ORC2: variants seen among roughly 807,000 people sequenced by gnomAD.
ORC2 encodes origin recognition complex protein 2 homolog.
In ORC2, 37 loss-of-function variants were observed where a neutral mutation model predicts 77.7. The ratio of observed to expected loss-of-function variants is 0.48; its 90% CI spans 0.37 to 0.63. The LOEUF (loss-of-function observed/expected upper bound fraction) is 0.63, where lower values mean the gene tolerates loss of function less well. ORC2 is among the 20% of genes least tolerant of loss of function. ORC2 has a pLI of 0.00. For missense variants in ORC2, 557 were observed against 661.9 expected (o/e 0.84, Z 1.74); for synonymous variants, 201 against 229.5 (o/e 0.88, Z 1.12).
At chr2:200,958,525 GAAT>G in intron 2 of ORC2, among the ~76,000 whole-genome samples, 1 of 152,112 alleles carries the variant, frequency 6.6e-6, no homozygotes, top group Non-Finnish European at 1.5e-5. Flanking sequence ...GCCAAACAAA[GAAT>G]AATGCTTTAA....
Position 200,935,864 on chromosome 2 carries a change from G to A in ORC2, c.543C>T (p.Ser181=), listed in dbSNP as rs139973823. 2.5e-5 allele frequency: 40 copies of A among 1,613,520 alleles called. No individual in the cohort carries two copies. The African/African-American group carries it at 3.7e-4, about 15-fold the overall frequency. The change falls in exon 9 of 18, where the codon AGC becomes AGT. Residue 181 remains serine (S), a synonymous_variant. Transcript: ENST00000234296. ...CCTCTGAGTTGGAAGCAGAATATTCGCTTTCACTGTCAGAATGAGACCTTG... is the reference window on the plus strand; with the variant it reads ...CCTCTGAGTTGGAAGCAGAATATTCACTTTCACTGTCAGAATGAGACCTTG... ...IVPRSHSDSE[S]EYSASNSEDD...
chr2:200,941,814 C>T (rs756748069), intron 6 of ORC2, among the ~76,000 whole-genome samples: 22 of 152,160 alleles, frequency 1.4e-4, no homozygotes, highest in Non-Finnish European at 2.9e-4. Flanking sequence ...GGGTGAAACC[C>T]CATTTCTACT....
chr2:200,925,798 C>T (rs747568774), intron 13 of ORC2, 38 bp downstream of exon 13: 5 of 915,014 alleles, frequency 5.5e-6, no homozygotes, highest in Non-Finnish European at 8.9e-6. Flanking sequence ...ATATGCTTAA[C>T]TTTACTCTAA....
At chr2:200,952,648 G>C (rs543318557) in intron 4 of ORC2, among the ~76,000 whole-genome samples, 3 of 152,098 alleles carry the variant, frequency 2.0e-5, no homozygotes, top group African/African-American at 7.2e-5. Context: ...TTTTAAATAA[G>C]GTGAGAATGA....
chr2:200,961,229 G>C (rs2041565084), intron 1 of ORC2, among the ~76,000 whole-genome samples: 1 of 152,134 alleles, frequency 6.6e-6, no homozygotes, highest in Admixed American at 6.5e-5. Flanking sequence ...CTGTCACCCA[G>C]GCTGGAGTGC....
intron 15 of ORC2, among the ~76,000 whole-genome samples, chr2:200,918,699 G>A (rs1439321823): frequency 6.6e-6 from 1 of 152,016 alleles, no homozygotes; most frequent in Non-Finnish European, 1.5e-5. Context: ...ATGTTGACCA[G>A]GATAGTCTCG....
rs1160690353 is a variant in ORC2, at chr2:200,910,522, C to G, written c.*779G>C. 1 of 152,146 alleles carries G rather than the reference C, an allele frequency of 6.6e-6. No homozygotes were observed. The highest frequency in any genetic ancestry group is 1.9e-4 in the East Asian group (1 of 5,200). 9.4% of individuals were successfully genotyped at this position (152,146 alleles called of 1,614,324 possible). ...GTTTTATTTTTTGTTGTCTTGAAAA[C>G]AATTACTAAAATGTAATTCAGGATT... On this transcript the variant is annotated 3_prime_UTR_variant, in exon 18 of 18. Transcript: ENST00000234296.
chr2:200,946,331 CA>C lies in ORC2; in HGVS notation c.328+3222del, dbSNP rs1258743703. ...CTCAGAATAACATATGATTTTCTGG[CA>C]GATCATGTTATTTATTAAATATTAA... is the stretch of plus-strand genomic sequence containing the variant. On this transcript the variant is annotated intron_variant, in intron 5 of 17. Transcript: ENST00000234296. 2.6e-5 allele frequency among the ~76,000 whole-genome samples: 4 copies of C among 151,902 alleles called. No homozygotes were observed. The East Asian group carries it at 7.7e-4, about 29-fold the overall frequency.
intron 15 of ORC2, among the ~76,000 whole-genome samples, chr2:200,916,849 C>T (rs935484118): frequency 2.0e-5 from 3 of 151,552 alleles, no homozygotes; most frequent in Admixed American, 2.0e-4. Context: ...ACCTCAGGTG[C>T]CCGCCACCAC....
intron 10 of ORC2, among the ~76,000 whole-genome samples, chr2:200,932,268 C>T (rs1455121929): frequency 6.6e-6 from 1 of 151,354 alleles, no homozygotes; most frequent in Non-Finnish European, 1.5e-5. Flanking sequence ...ACTAGATTAT[C>T]TGAGCATATT....
chr2:200,935,100 T>C (rs1041023017), intron 9 of ORC2, among the ~76,000 whole-genome samples: 7 of 152,250 alleles, frequency 4.6e-5, no homozygotes, highest in African/African-American at 1.7e-4. Flanking sequence ...TATTTTTTAT[T>C]CTAATCCCAT....
chr2:200,947,336 A>AT (rs1368517488), intron 5 of ORC2, among the ~76,000 whole-genome samples: 1 of 152,242 alleles, frequency 6.6e-6, no homozygotes, highest in African/African-American at 2.4e-5. Flanking sequence ...AACTAAACTG[A>AT]TTTTGGCAAC....
chr2:200,916,645 C>G (rs916645559), intron 15 of ORC2, among the ~76,000 whole-genome samples: 2 of 152,166 alleles, frequency 1.3e-5, no homozygotes, highest in African/African-American at 4.8e-5. Context: ...GACTTTGTCC[C>G]CAATTCCATC....
Position 200,921,053 on chromosome 2 carries a change from A to G in ORC2, c.1234T>C (p.Leu412=), listed in dbSNP as rs1157839327. The part of the protein sequence containing the change: ...GEKSQQIIGQ[L]SSLHNIYLIA... ...AGGTAAATGTTATGCAAAGATGACA[A>G]CTGACCAATGATTTGCTGGCTCTTC... Residue 412 remains leucine, a synonymous_variant, in exon 14 of 18, where the codon TTG becomes CTG. Transcript: ENST00000234296. 1.2e-6 allele frequency: 2 copies of G among 1,610,014 alleles called. No homozygotes were observed. Among genetic ancestry groups the G allele is most frequent in the African/African-American group, 1.3e-5 (1 of 74,964 alleles).
chr2:200,923,553 G>A (rs1252231877), intron 13 of ORC2, among the ~76,000 whole-genome samples: 2 of 151,998 alleles, frequency 1.3e-5, no homozygotes, highest in Non-Finnish European at 2.9e-5. Context: ...TCCGGCTTAA[G>A]GGCAACTTTA....
At chr2:200,935,133 T>C (rs1404502307) in intron 9 of ORC2, among the ~76,000 whole-genome samples, 3 of 152,240 alleles carry the variant, frequency 2.0e-5, no homozygotes, top group African/African-American at 4.8e-5. Flanking sequence ...AATTTATTTA[T>C]TTATTTTTGA....
At chr2:200,911,613 GTATT>G (rs201218450) in intron 17 of ORC2, among the ~76,000 whole-genome samples, 4,527 of 152,212 alleles carry the variant, frequency 0.03, 106 homozygotes, top group Middle Eastern at 0.088. Flanking sequence ...GGGTAGGTGG[GTATT>G]TATTTTTTTC....
At chr2:200,923,805 G>A (rs1368704458) in intron 13 of ORC2, among the ~76,000 whole-genome samples, 1 of 152,084 alleles carries the variant, frequency 6.6e-6, no homozygotes, top group African/African-American at 2.4e-5. Flanking sequence ...CTGTGAAAAC[G>A]ATGCTTGTTT....
In ORC2 at chr2:200,925,847, T is replaced by C. The variant is rs1010053634; in HGVS notation, c.1136A>G (p.Lys379Arg). 4 of 1,552,884 alleles carry C rather than the reference T, an allele frequency of 2.6e-6. No homozygotes were observed. Among genetic ancestry groups the C allele is most frequent in the Non-Finnish European group, 2.7e-6 (3 of 1,129,460 alleles). The stretch of plus-strand genomic sequence containing the variant: ...CTACTTCATGTTACCTTCTTTAAAT[T>C]TGTTTACTATCCAGTCTAGCTGATC... ...ILDQLDWIVNKFKEDSSLELF... is the reference protein window; with the variant it reads ...ILDQLDWIVNRFKEDSSLELF... Residue 379 changes from lysine to arginine, a missense_variant, in exon 13 of 18, where the codon AAA becomes AGA. Transcript: ENST00000234296.
Sources: allele counts gnomAD v4.1 joint callset (sites outside exome capture counted in the v4.1 genomes callset), GRCh38; gene constraint gnomAD v4.1.1; transcripts MANE v1.5; gene names NCBI Gene and HGNC (gene_info 2026-07-23, HGNC 2026-07-21).